Variants in PDE4B observed in about 807,000 individuals in gnomAD.
PDE4B encodes phosphodiesterase 4B.
In PDE4B, 20 loss-of-function variants were observed where a neutral mutation model predicts 82.2. That is an observed-to-expected ratio of 0.24 (90% confidence interval 0.17 to 0.35). The LOEUF is 0.35. Among genes scored for constraint, PDE4B ranks in the 10% least tolerant of loss-of-function variants. PDE4B has a pLI of 1.00. For synonymous variants in PDE4B, 320 were observed against 318.9 expected, an observed-to-expected ratio of 1.00 and a Z score of -0.04; for missense variants, 655 against 907.2, an observed-to-expected ratio of 0.72 and a Z score of 3.57.
intron 8 of PDE4B, among the ~76,000 whole-genome samples, chr1:66,348,134 A>G (rs1395302610): frequency 1.3e-5 from 2 of 152,194 alleles, no homozygotes; most frequent in African/African-American, 4.8e-5. Context: ...GAAATGTTTC[A>G]AAATAAACCT....
chr1:66,223,008 C>T (rs1352142573), intron 3 of PDE4B, among the ~76,000 whole-genome samples: 1 of 151,874 alleles, frequency 6.6e-6, no homozygotes, highest in African/African-American at 2.4e-5. Flanking sequence ...ATGATAGTTC[C>T]TCATTATTAT....
chr1:66,082,323 C>T (rs1656783720), intron 3 of PDE4B, among the ~76,000 whole-genome samples: 1 of 152,104 alleles, frequency 6.6e-6, no homozygotes, highest in Non-Finnish European at 1.5e-5. Context: ...GCATTTTAAA[C>T]CTAAGTGAAT....
At chr1:66,088,484 A>G (rs1446710324) in intron 3 of PDE4B, among the ~76,000 whole-genome samples, 1 of 152,028 alleles carries the variant, frequency 6.6e-6, no homozygotes, top group Non-Finnish European at 1.5e-5. Context: ...AATATAACCT[A>G]TTCGTACAGC....
intron 3 of PDE4B, among the ~76,000 whole-genome samples, chr1:65,945,278 A>G (rs1472250521): frequency 2.6e-5 from 4 of 151,932 alleles, no homozygotes; most frequent in African/African-American, 9.7e-5. Context: ...TGTGGTGGTC[A>G]TAGGATTAGT....
intron 1 of PDE4B, among the ~76,000 whole-genome samples, chr1:65,892,306 A>G (rs1231970419): frequency 6.6e-6 from 1 of 152,080 alleles, no homozygotes; most frequent in Non-Finnish European, 1.5e-5. Flanking sequence ...TAATATTGAT[A>G]GTAACTAATT....
rs2050842589 is a variant in PDE4B, at chr1:66,373,078, G to A, written c.*400G>A. 5.9e-6 allele frequency: 1 copy of A among 169,170 alleles called. No homozygotes were observed. Among genetic ancestry groups the A allele is most frequent in the South Asian group, 1.6e-4 (1 of 6,130 alleles). 10.5% of individuals were successfully genotyped at this position (169,170 alleles called of 1,614,324 possible). On this transcript the variant is annotated 3_prime_UTR_variant, in exon 17 of 17. Transcript: ENST00000341517. ...TGTCCCTTTGTCTGCCAACCTGTGT[G>A]CCTTTTTTGTAAAACATTTTCATGT...
At chr1:66,131,680 T>A (rs903193746) in intron 3 of PDE4B, among the ~76,000 whole-genome samples, 1 of 141,714 alleles carries the variant, frequency 7.1e-6, no homozygotes, top group South Asian at 2.3e-4. Flanking sequence ...TTTTGAACTC[T>A]TTTAGTAATA....
intron 3 of PDE4B, among the ~76,000 whole-genome samples, chr1:66,156,569 C>T (rs990275032): frequency 1.3e-5 from 2 of 151,936 alleles, no homozygotes. Flanking sequence ...TATCTCCATC[C>T]TTAGACTCCA....
At chr1:65,912,783 ATTCT>A (rs1647111113) in intron 1 of PDE4B, among the ~76,000 whole-genome samples, 2 of 152,070 alleles carry the variant, frequency 1.3e-5, no homozygotes, top group South Asian at 4.1e-4. Flanking sequence ...AAGCAGTCAT[ATTCT>A]TTAAATTCTG....
Position 65,998,453 on chromosome 1 carries a change from C to T in PDE4B, c.281+79618C>T, listed in dbSNP as rs1371851715. 2.6e-5 allele frequency among the ~76,000 whole-genome samples: 4 copies of T among 151,348 alleles called. No individual in the cohort carries two copies. The East Asian group carries it at 7.8e-4, about 29-fold the overall frequency. ...CGACAGGTTATGAGAAGGGGATTGCCATGTATTATTTTTATTTTGGAAAGG... is the reference window on the plus strand; with the variant it reads ...CGACAGGTTATGAGAAGGGGATTGCTATGTATTATTTTTATTTTGGAAAGG... On this transcript the variant is annotated intron_variant, in intron 3 of 16. Transcript: ENST00000341517.
intron 3 of PDE4B, among the ~76,000 whole-genome samples, chr1:66,203,453 G>A (rs1039186649): frequency 2.0e-5 from 3 of 152,136 alleles, no homozygotes; most frequent in Admixed American, 2.0e-4. Flanking sequence ...TTCCAACTTG[G>A]TTCCATTCTC....
chr1:65,841,606 A>G (rs1229102743), intron 1 of PDE4B, among the ~76,000 whole-genome samples: 1 of 152,184 alleles, frequency 6.6e-6, no homozygotes, highest in African/African-American at 2.4e-5. Context: ...TGAATTACTT[A>G]GAATGGTATG....
At chr1:65,907,295 T>A (rs1438617344) in intron 1 of PDE4B, among the ~76,000 whole-genome samples, 1 of 152,202 alleles carries the variant, frequency 6.6e-6, no homozygotes, top group Non-Finnish European at 1.5e-5. Flanking sequence ...ATATTTTATG[T>A]ATCAAATTCT....
At chr1:66,206,028 G>A (rs773719152) in intron 3 of PDE4B, among the ~76,000 whole-genome samples, 4 of 152,172 alleles carry the variant, frequency 2.6e-5, no homozygotes, top group African/African-American at 9.7e-5. Flanking sequence ...TAGGAATCAG[G>A]GGTTTCTACA....
rs142830799 is a variant in PDE4B at position 66,120,996 on chromosome 1, A to C, written c.282-126464A>C. Among the ~76,000 whole-genome samples, 557 of 152,282 alleles carry C rather than the reference A, an allele frequency of 3.7e-3. 3 individuals are homozygous for C. The highest frequency in any genetic ancestry group is 0.013 in the African/African-American group (530 of 41,556). ...ATTATGCATGTGTCCCCATAGTGTCATGTACATTGTGGACACTAAACAGGT... is the reference window on the plus strand; with the variant it reads ...ATTATGCATGTGTCCCCATAGTGTCCTGTACATTGTGGACACTAAACAGGT... On this transcript the variant is annotated intron_variant, in intron 3 of 16. Coordinates refer to ENST00000341517, the MANE Select transcript of PDE4B (RefSeq NM_002600.4).
chr1:65,851,463 A>G (rs1258091628), intron 1 of PDE4B, among the ~76,000 whole-genome samples: 1 of 152,084 alleles, frequency 6.6e-6, no homozygotes, highest in Non-Finnish European at 1.5e-5. Context: ...CTTATGATTA[A>G]TGAACATTGT....
rs143404700 is a variant in PDE4B at position 65,906,381 on chromosome 1, G to T, written c.-70-6864G>T. 1.4e-4 allele frequency among the ~76,000 whole-genome samples: 21 copies of T among 152,112 alleles called. No individual in the cohort carries two copies. The East Asian group carries it at 3.5e-3, about 25-fold the overall frequency. On this transcript the variant is annotated intron_variant, in intron 1 of 16. Coordinates refer to ENST00000341517, the MANE Select transcript of PDE4B (RefSeq NM_002600.4). ...GTGTGGAGAGAGCTTGCAATACCAGGTTATTAATAGATTTGAATACAGGGA... is the reference window on the plus strand; with the variant it reads ...GTGTGGAGAGAGCTTGCAATACCAGTTTATTAATAGATTTGAATACAGGGA...
chr1:65,898,753 G>A (rs1049909600), intron 1 of PDE4B, among the ~76,000 whole-genome samples: 6 of 152,110 alleles, frequency 3.9e-5, no homozygotes, highest in African/African-American at 1.4e-4. Context: ...TGGGATAATT[G>A]GCTAGCCAAA....
intron 8 of PDE4B, among the ~76,000 whole-genome samples, chr1:66,338,927 G>A (rs1660740614): frequency 2.0e-5 from 3 of 150,262 alleles, no homozygotes; most frequent in Non-Finnish European, 1.5e-5. Context: ...GCTGAGGCAG[G>A]AGAATGGCGT....
Sources: allele counts gnomAD v4.1 joint callset (sites outside exome capture counted in the v4.1 genomes callset), GRCh38; gene constraint gnomAD v4.1.1; transcripts MANE v1.5; gene names NCBI Gene and HGNC (gene_info 2026-07-23, HGNC 2026-07-21).